Variants in CFAP46 observed in about 807,000 individuals in gnomAD.
CFAP46 encodes the protein cilia and flagella associated protein 46.
CFAP46 carries 245 observed loss-of-function variants against 325.7 expected under a neutral mutation model. The ratio of observed to expected loss-of-function variants is 0.75; its 90% CI spans 0.68 to 0.84. The LOEUF (loss-of-function observed/expected upper bound fraction) is 0.84, where lower values mean the gene tolerates loss of function less well. Ranked by LOEUF, CFAP46 falls within the 40% of genes least tolerant of loss-of-function variation. The pLI is 0.00. For missense variants in CFAP46, 3,346 were observed against 3,543.0 expected (o/e 0.94, Z 1.41); for synonymous variants, 1,523 against 1,495.9 (o/e 1.02, Z -0.42).
chr10:132,894,520 T>C (rs975509267), intron 24 of CFAP46, among the ~76,000 whole-genome samples: 1 of 151,154 alleles, frequency 6.6e-6, no homozygotes, highest in Non-Finnish European at 1.5e-5. Flanking sequence ...ATAAAGAAAA[T>C]CTACTGTTTA....
intron 19 of CFAP46, among the ~76,000 whole-genome samples, 158 bp downstream of exon 19, chr10:132,912,493 TTTCA>T (rs1478517499): frequency 7.3e-5 from 5 of 68,694 alleles, no homozygotes; most frequent in African/African-American, 1.5e-4. Flanking sequence ...CTCTCTCCTC[TTTCA>T]CCTCTCTCTC....
rs769742898 is a variant in CFAP46, at chr10:132,840,566, A to G, written c.6439-3652T>C. The stretch of plus-strand genomic sequence containing the variant: ...CTTTCTTCTTGTATGCAAGGCTGTT[A>G]TTTTTCCTGTAACCCGTTTGAGCTA... On this transcript the variant is annotated intron_variant, in intron 44 of 57. Coordinates refer to ENST00000368586, the MANE Select transcript of CFAP46 (RefSeq NM_001200049.3). Among the ~76,000 whole-genome samples the G allele has an allele frequency of 3.9e-5, 6 of 152,166 alleles. No homozygotes were observed. In the South Asian group the frequency reaches 8.3e-4, roughly 21 times the overall value.
intron 8 of CFAP46, among the ~76,000 whole-genome samples, chr10:132,932,473 A>G (rs1305571111): frequency 3.0e-5 from 4 of 132,038 alleles, no homozygotes; most frequent in African/African-American, 1.2e-4. Context: ...CACAGAGCCT[A>G]GGCCTTCCAC....
intron 39 of CFAP46, among the ~76,000 whole-genome samples, chr10:132,856,810 T>C (rs962247654): frequency 6.6e-6 from 1 of 152,262 alleles, no homozygotes; most frequent in Non-Finnish European, 1.5e-5. Context: ...TACGGCAATA[T>C]TTTATCGGTT....
chr10:132,910,923 T>G (rs1849531832), intron 19 of CFAP46, among the ~76,000 whole-genome samples: 1 of 152,212 alleles, frequency 6.6e-6, no homozygotes, highest in African/African-American at 2.4e-5. Flanking sequence ...ACATGCCCAG[T>G]CCAGGCACCG....
chr10:132,888,575 G>A (rs866126193), intron 25 of CFAP46, among the ~76,000 whole-genome samples: 1 of 5,352 alleles, frequency 1.9e-4, no homozygotes, highest in Non-Finnish European at 3.0e-4. Flanking sequence ...CACCCCTGCC[G>A]CCTGCACCCC....
rs770765213 is a variant in CFAP46, at chr10:132,887,306, CTT to C, written c.3305-1349_3305-1348del. Reference sequence around the variant, plus strand: ...CCTCCCCTCTTCTTTCCTCTCCCCTCTTCTCTCCCCTCTCTCCTCTCTCGCTT... The same window carrying C: ...CCTCCCCTCTTCTTTCCTCTCCCCTCCTCTCCCCTCTCTCCTCTCTCGCTT... On this transcript the variant is annotated intron_variant, in intron 25 of 57. Transcript: ENST00000368586. Among the ~76,000 whole-genome samples, 542 of 107,528 alleles carry C rather than the reference CTT, an allele frequency of 5.0e-3. 11 individuals carry two copies. Among genetic ancestry groups the C allele is most frequent in the Non-Finnish European group, 7.1e-3 (407 of 57,458 alleles). 70.5% of individuals were successfully genotyped at this position (107,528 alleles called of 152,430 possible). A position where few individuals can be genotyped will look rare whatever the true frequency, so the allele number is the denominator to read the frequency against.
At chr10:132,934,705 G>T (rs372017863) in intron 8 of CFAP46, 47 bp downstream of exon 8, 2 of 1,277,090 alleles carry the variant, frequency 1.6e-6, no homozygotes, top group Admixed American at 3.8e-5. Flanking sequence ...GCTAAATTTT[G>T]TACAACGATT....
intron 44 of CFAP46, among the ~76,000 whole-genome samples, chr10:132,844,019 G>C (rs1193371137): frequency 6.4e-5 from 6 of 94,310 alleles, no homozygotes; most frequent in Non-Finnish European, 8.8e-5. Flanking sequence ...TGGGGCTCTG[G>C]TCTCGGTGGG....
chr10:132,863,070 G>A lies in CFAP46; in HGVS notation c.4891-2088C>T, dbSNP rs192168687. Among the ~76,000 whole-genome samples the A allele has an allele frequency of 2.6e-5, 4 of 152,280 alleles. No homozygotes were observed. The East Asian group carries it at 5.8e-4, about 22-fold the overall frequency. On this transcript the variant is annotated intron_variant, in intron 35 of 57. Coordinates refer to ENST00000368586, the MANE Select transcript of CFAP46 (RefSeq NM_001200049.3). ...GCAGGAAGGAGGGTGGCGAACCCAC[G>A]TTCGCGGGAGTCCAGCACCCATCAC...
chr10:132,902,135 A>AT (rs1360426251), intron 22 of CFAP46, among the ~76,000 whole-genome samples: 2 of 152,152 alleles, frequency 1.3e-5, no homozygotes, highest in Admixed American at 6.5e-5. Context: ...CCAGGTTGAT[A>AT]TTTTTAATTC....
At chr10:132,829,923 T>C (rs947090380) in intron 50 of CFAP46, among the ~76,000 whole-genome samples, 14 of 152,218 alleles carry the variant, frequency 9.2e-5, no homozygotes, top group African/African-American at 3.4e-4. Flanking sequence ...TTTGCTCCAT[T>C]TCCTAACATT....
At position 132,832,388 on chromosome 10, in the gene CFAP46, G is replaced by GCC. The variant is rs60514588; in HGVS notation, c.7117+968_7117+969dup. On this transcript the variant is annotated intron_variant, in intron 50 of 57. Transcript: ENST00000368586. The surrounding 1 kb of genome is among the most constrained non-coding windows in gnomAD (Gnocchi z 4.1). The stretch of plus-strand genomic sequence containing the variant: ...TTGCGGAGACCCCTGGGCTCTTCCT[G>GCC]CCCCCCCCCCCCAATGCTGTGGCCT... Among the ~76,000 whole-genome samples, 652 of 106,022 alleles carry GCC rather than the reference G, an allele frequency of 6.1e-3. 27 individuals carry two copies. Among genetic ancestry groups the GCC allele is most frequent in the Middle Eastern group, 0.02 (4 of 200 alleles). 69.6% of individuals were successfully genotyped at this position (106,022 alleles called of 152,430 possible).
intron 7 of CFAP46, among the ~76,000 whole-genome samples, chr10:132,936,536 ACTCCCCTCAGCCCCCAAATACACTG>A (rs1850009674): frequency 1.2e-5 from 1 of 86,206 alleles, no homozygotes; most frequent in Non-Finnish European, 2.3e-5. Context: ...TGATCTCCTC[ACTCCCCTCAGCCCCCAAATACACTG>A]TGATCTCCTC....
intron 7 of CFAP46, 118 bp downstream of exon 7, chr10:132,936,843 G>T: frequency 2.0e-6 from 1 of 495,778 alleles, no homozygotes; most frequent in African/African-American, 2.0e-5. Context: ...CCCACTCACT[G>T]CAACTCCAGA....
At position 132,828,814 on chromosome 10, in the gene CFAP46, T is replaced by A. The variant is rs1848102226; in HGVS notation, c.7117+4544A>T. On this transcript the variant is annotated intron_variant, in intron 50 of 57. Coordinates refer to ENST00000368586, the MANE Select transcript of CFAP46 (RefSeq NM_001200049.3). The surrounding 1 kb of genome is among the most constrained non-coding windows in gnomAD (Gnocchi z 4.9). ...GTTCTGCACTTGGACGTCCAGGGAC[T>A]GCAGCCACTCATGGAGATGCCCTTC... Among the ~76,000 whole-genome samples, 1 of 152,168 alleles carries A rather than the reference T, an allele frequency of 6.6e-6. No homozygotes were observed. The highest frequency in any genetic ancestry group is 2.4e-5 in the African/African-American group (1 of 41,428).
chr10:132,821,349 ATGTGTGCTGTGTGTGC>A (rs1454621539), intron 50 of CFAP46, among the ~76,000 whole-genome samples: 3 of 80,034 alleles, frequency 3.7e-5, no homozygotes, highest in African/African-American at 6.1e-5. Flanking sequence ...CTGTGTGCTG[ATGTGTGCTGTGTGTGC>A]TGTGTGCTGT....
At chr10:132,895,656 CTG>C (rs1445816820) in intron 24 of CFAP46, among the ~76,000 whole-genome samples, 1 of 152,232 alleles carries the variant, frequency 6.6e-6, no homozygotes, top group African/African-American at 2.4e-5. Flanking sequence ...CAACAATCAG[CTG>C]TGTTTTTATT....
rs767517244 is a variant in CFAP46 at position 132,810,973 on chromosome 10, G to A, written c.7560C>T (p.His2520=). ...LARSYQSLKR[H]MESVEHRRSV... ...ACCTCCTGTGCTCCACGCTCTCCAT[G>A]TGCCTCTTCAAGCTCTGGTAGGACC... The change falls in exon 56 of 58, where the codon CAC becomes CAT. Residue 2520 remains histidine, a synonymous_variant. Transcript: ENST00000368586. 2 of 1,606,854 alleles carry A rather than the reference G, an allele frequency of 1.2e-6. No homozygotes were observed. Among genetic ancestry groups the A allele is most frequent in the East Asian group, 2.2e-5 (1 of 44,592 alleles).
Sources: allele counts gnomAD v4.1 joint callset (sites outside exome capture counted in the v4.1 genomes callset), GRCh38; gene constraint gnomAD v4.1.1; non-coding constraint Gnocchi (gnomAD v3.1); transcripts MANE v1.5; gene names NCBI Gene and HGNC (gene_info 2026-07-23, HGNC 2026-07-21).